Variants in COL23A1 observed in about 807,000 individuals in gnomAD.
COL23A1 encodes the protein collagen type XXIII alpha 1 chain, also known as collagen alpha-1(XXIII) chain.
COL23A1 carries 97 observed loss-of-function variants against 99.3 expected under a neutral mutation model. That is an observed-to-expected ratio of 0.98 (90% CI 0.83 to 1.16). COL23A1 has a LOEUF of 1.16. Ranked by LOEUF, COL23A1 falls within the 50% of genes most tolerant of loss-of-function variation. The pLI is 0.00. For synonymous variants in COL23A1, 320 were observed against 308.2 expected, an observed-to-expected ratio of 1.04 and a Z score of -0.40; for missense variants, 762 against 757.4, an observed-to-expected ratio of 1.01 and a Z score of -0.07.
chr5:178,389,083 T>TAAC (rs1331479829), intron 2 of COL23A1, among the ~76,000 whole-genome samples: 1 of 152,236 alleles, frequency 6.6e-6, no homozygotes, highest in African/African-American at 2.4e-5. Context: ...CAGCCTTGAC[T>TAAC]GGTTCCCCAA....
chr5:178,456,009 C>T (rs1476078327), intron 2 of COL23A1, among the ~76,000 whole-genome samples: 5 of 152,310 alleles, frequency 3.3e-5, no homozygotes, highest in Admixed American at 1.3e-4. Flanking sequence ...TACATAACCA[C>T]ATGAATTGAA....
chr5:178,507,998 G>A (rs931266396), intron 2 of COL23A1, among the ~76,000 whole-genome samples: 18 of 142,692 alleles, frequency 1.3e-4, no homozygotes, highest in South Asian at 7.3e-4. Flanking sequence ...CTGAGGCTCC[G>A]TTCTCTCTTT....
At chr5:178,251,320 C>T (rs530700310) in intron 17 of COL23A1, among the ~76,000 whole-genome samples, 6 of 151,836 alleles carry the variant, frequency 4.0e-5, no homozygotes, top group East Asian at 3.9e-4. Context: ...CGTGCCCGGC[C>T]GCAAGATAAT....
intron 2 of COL23A1, among the ~76,000 whole-genome samples, chr5:178,406,428 C>CTTTTTTTTTTTTTTTTTTT (rs61274419): frequency 1.4e-5 from 2 of 142,038 alleles, no homozygotes; most frequent in African/African-American, 2.6e-5. Context: ...TACCTACACT[C>CTTTTTTTTTTTTTTTTTTT]TTTTTTTTTT....
Position 178,252,539 on chromosome 5 carries a change from C to T in COL23A1, c.1014+5G>A, listed in dbSNP as rs1214241014. 1.9e-6 allele frequency: 3 copies of T among 1,611,160 alleles called. No individual in the cohort carries two copies. Among genetic ancestry groups the T allele is most frequent in the African/African-American group, 1.3e-5 (1 of 75,024 alleles). Reference sequence around the variant, plus strand: ...GGGGGACCACATAGCTGCATCTGCACTGACCTTGGCTCCAGGGATCCCTGG... The same window carrying T: ...GGGGGACCACATAGCTGCATCTGCATTGACCTTGGCTCCAGGGATCCCTGG... On this transcript the variant is annotated splice_donor_5th_base_variant and intron_variant, in intron 17 of 28. Transcript: ENST00000390654.
intron 2 of COL23A1, among the ~76,000 whole-genome samples, chr5:178,373,938 G>A (rs1189747227): frequency 1.3e-5 from 2 of 152,160 alleles, no homozygotes; most frequent in African/African-American, 4.8e-5. Flanking sequence ...AGGAGAGCAG[G>A]GCAGGCACGA....
intron 2 of COL23A1, among the ~76,000 whole-genome samples, chr5:178,330,496 A>G (rs1385134487): frequency 6.6e-6 from 1 of 152,120 alleles, no homozygotes; most frequent in Non-Finnish European, 1.5e-5. Flanking sequence ...TCTCTACAAA[A>G]AAATACTATA....
At chr5:178,383,278 T>C (rs957914922) in intron 2 of COL23A1, among the ~76,000 whole-genome samples, 1 of 152,168 alleles carries the variant, frequency 6.6e-6, no homozygotes, top group Non-Finnish European at 1.5e-5. Context: ...TCAGCTCCTG[T>C]TGGGACCAGC....
intron 2 of COL23A1, among the ~76,000 whole-genome samples, chr5:178,381,428 A>T (rs1187021510): frequency 6.6e-6 from 1 of 152,146 alleles, no homozygotes; most frequent in East Asian, 1.9e-4. Context: ...TGCCAGCAGG[A>T]CCAGCTGCTT....
At chr5:178,254,867 C>T in intron 16 of COL23A1, 82 bp downstream of exon 16, 1 of 1,236,220 alleles carries the variant, frequency 8.1e-7, no homozygotes, top group Non-Finnish European at 1.2e-6. Context: ...TAAAAAAGTG[C>T]AGGATTAATC....
intron 2 of COL23A1, among the ~76,000 whole-genome samples, chr5:178,344,678 C>G (rs982683753): frequency 1.3e-5 from 2 of 152,214 alleles, no homozygotes; most frequent in Admixed American, 6.5e-5. Flanking sequence ...AATACAAATA[C>G]AACTACCCAT....
intron 2 of COL23A1, among the ~76,000 whole-genome samples, chr5:178,422,726 G>T (rs1333492776): frequency 6.6e-6 from 1 of 152,130 alleles, no homozygotes; most frequent in Non-Finnish European, 1.5e-5. Flanking sequence ...TAACGCCGGG[G>T]ACTGTCACTG....
chr5:178,241,185 C>T (rs953809020), intron 27 of COL23A1, among the ~76,000 whole-genome samples: 15 of 152,056 alleles, frequency 9.9e-5, no homozygotes, highest in East Asian at 3.9e-4. Flanking sequence ...GAACCATGAT[C>T]GCTCCAGCCT....
chr5:178,525,616 CGAAGG>C (rs1760256173), intron 2 of COL23A1, among the ~76,000 whole-genome samples: 2 of 7,010 alleles, frequency 2.9e-4, no homozygotes, highest in African/African-American at 1.4e-3. Context: ...CCCCGGGACC[CGAAGG>C]CTAAGCTCAC....
In COL23A1 at chr5:178,265,847, T is replaced by C. The variant is rs114075732; in HGVS notation, c.522+1460A>G. 1.3e-3 allele frequency: 336 copies of C among 257,804 alleles called. 1 individual carries two copies. Among genetic ancestry groups the C allele is most frequent in the African/African-American group, 7.2e-3 (314 of 43,390 alleles). 16.0% of individuals were successfully genotyped at this position (257,804 alleles called of 1,614,324 possible). A position where few individuals can be genotyped will look rare whatever the true frequency, so the allele number is the denominator to read the frequency against. On this transcript the variant is annotated intron_variant, in intron 8 of 28. Transcript: ENST00000390654. The stretch of plus-strand genomic sequence containing the variant: ...AGCCCAGAGAAAGGCAGTTAGGTGA[T>C]CAGGTGTGCAGACTCCTTCTCCAAG...
intron 2 of COL23A1, among the ~76,000 whole-genome samples, chr5:178,381,766 G>A (rs1763394307): frequency 6.6e-6 from 1 of 152,222 alleles, no homozygotes; most frequent in Admixed American, 6.5e-5. Context: ...CTTCTGAGTA[G>A]CTGGGAATAG....
At chr5:178,271,718 A>G (rs549909814) in intron 5 of COL23A1, among the ~76,000 whole-genome samples, 7 of 152,314 alleles carry the variant, frequency 4.6e-5, no homozygotes, top group African/African-American at 1.7e-4. Flanking sequence ...GAAGGCGGAG[A>G]GGTGGAGAGG....
intron 2 of COL23A1, among the ~76,000 whole-genome samples, chr5:178,363,030 C>T (rs1762260473): frequency 6.9e-6 from 1 of 144,154 alleles, no homozygotes; most frequent in Admixed American, 6.9e-5. Flanking sequence ...CACAGCAATC[C>T]ACTCCCACAG....
At chr5:178,356,117 ACCCCAGGCTTAGGG>A (rs1474004775) in intron 2 of COL23A1, among the ~76,000 whole-genome samples, 1 of 152,032 alleles carries the variant, frequency 6.6e-6, no homozygotes, top group Non-Finnish European at 1.5e-5. Flanking sequence ...GGCACAGAAG[ACCCCAGGCTTAGGG>A]CCCCACTCTA....
Sources: allele counts gnomAD v4.1 joint callset (sites outside exome capture counted in the v4.1 genomes callset), GRCh38; gene constraint gnomAD v4.1.1; transcripts MANE v1.5; gene names NCBI Gene and HGNC (gene_info 2026-07-23, HGNC 2026-07-21).